Variants in GALR1 observed in about 807,000 individuals in gnomAD.
GALR1 encodes the protein galanin receptor type 1.
A neutral mutation model predicts 17.9 loss-of-function variants in GALR1; 11 were observed. That is an observed-to-expected ratio of 0.62 (90% CI 0.39 to 1.02). The LOEUF (loss-of-function observed/expected upper bound fraction) is 1.02, where lower values mean the gene tolerates loss of function less well. GALR1 is among the 50% of genes least tolerant of loss of function. The pLI, the probability that GALR1 is intolerant of heterozygous loss-of-function variation, is 0.01. For synonymous variants in GALR1, 206 were observed against 205.7 expected, an observed-to-expected ratio of 1.00 and a Z score of -0.01; for missense variants, 441 against 456.9, an observed-to-expected ratio of 0.97 and a Z score of 0.32.
intron 1 of GALR1, among the ~76,000 whole-genome samples, chr18:77,252,258 C>T (rs907671668): frequency 4.6e-5 from 7 of 151,634 alleles, no homozygotes; most frequent in Admixed American, 1.3e-4. Flanking sequence ...CAGGTGATGG[C>T]GATTCACCGG....
intron 2 of GALR1, among the ~76,000 whole-genome samples, chr18:77,258,376 C>T (rs1476651026): frequency 1.3e-5 from 2 of 152,006 alleles, no homozygotes; most frequent in African/African-American, 2.4e-5. Flanking sequence ...AGCTACTGAA[C>T]AGATGTCAGA....
chr18:77,253,291 A>C (rs1362506465), intron 1 of GALR1, among the ~76,000 whole-genome samples: 1 of 152,208 alleles, frequency 6.6e-6, no homozygotes, highest in Non-Finnish European at 1.5e-5. Flanking sequence ...GGAACACCTG[A>C]CCCAGATTAT....
intron 1 of GALR1, among the ~76,000 whole-genome samples, chr18:77,252,896 TCACCACCACCACCACCACCAC>T (rs1252635221): frequency 2.6e-5 from 2 of 78,232 alleles, no homozygotes; most frequent in Non-Finnish European, 5.0e-5. Context: ...ACCACCACCA[TCACCACCACCACCACCACCAC>T]CACCATCACC....
Position 77,249,977 on chromosome 18 carries a change from G to A in GALR1, c.-572G>A, listed in dbSNP as rs1912352247. Among the ~76,000 whole-genome samples the A allele has an allele frequency of 6.6e-6, 1 of 152,224 alleles. No individual in the cohort carries two copies. Among genetic ancestry groups the A allele is most frequent in the Non-Finnish European group, 1.5e-5 (1 of 68,040 alleles). ...CTGGAAAAGCCGGGAGGGAGTCGGA[G>A]GCGCCAGCCCACTGGGGAGGTGGCG... On this transcript the variant is annotated 5_prime_UTR_variant, in exon 1 of 3. Coordinates refer to ENST00000299727, the MANE Select transcript of GALR1 (RefSeq NM_001480.4).
intron 2 of GALR1, among the ~76,000 whole-genome samples, chr18:77,262,110 G>A (rs973699079): frequency 2.0e-5 from 3 of 152,050 alleles, no homozygotes; most frequent in Non-Finnish European, 2.9e-5. Flanking sequence ...TTACAGGCAT[G>A]AGCCACTGTT....
At position 77,249,928 on chromosome 18, in the gene GALR1, C is replaced by T. The variant is rs1268365501; in HGVS notation, c.-621C>T. On this transcript the variant is annotated 5_prime_UTR_variant, in exon 1 of 3. Transcript: ENST00000299727. ...CCAGGAAGCCTCCCAAAAGAGCTCT[C>T]GCCCTGTGGACGACTCGGAATCCCT... 6.6e-6 allele frequency among the ~76,000 whole-genome samples: 1 copy of T among 152,254 alleles called. No homozygotes were observed. The highest frequency in any genetic ancestry group is 2.1e-4 in the South Asian group (1 of 4,836).
rs1324321859 is a variant in GALR1 at position 77,259,547 on chromosome 18, GTGATGGTGGTGA to G, written c.732+3335_732+3346del. On this transcript the variant is annotated intron_variant, in intron 2 of 2. Transcript: ENST00000299727. ...GGTGGTGGTGGTCATAGGGGTGGTG[GTGATGGTGGTGA>G]TGATGGTGGTCATGGCAGTGATGGT... is the stretch of plus-strand genomic sequence containing the variant. Among the ~76,000 whole-genome samples the G allele has an allele frequency of 2.7e-4, 40 of 150,636 alleles. 1 individual carries two copies. Among genetic ancestry groups the G allele is most frequent in the Admixed American group, 2.0e-4 (3 of 15,164 alleles).
At chr18:77,252,229 G>A (rs1352063166) in intron 1 of GALR1, among the ~76,000 whole-genome samples, 1 of 152,184 alleles carries the variant, frequency 6.6e-6, no homozygotes, top group Non-Finnish European at 1.5e-5. Context: ...TTGCGTAAAC[G>A]GGAGCTTATT....
chr18:77,262,969 C>T (rs1026902387), intron 2 of GALR1, among the ~76,000 whole-genome samples: 21 of 152,166 alleles, frequency 1.4e-4, no homozygotes, highest in Admixed American at 3.3e-4. Context: ...GAAAACACTC[C>T]GGCCTCAGGG....
chr18:77,252,896 T>C (rs866905623), intron 1 of GALR1, among the ~76,000 whole-genome samples: 3,970 of 77,128 alleles, frequency 0.051, 96 homozygotes, highest in African/African-American at 0.082. Flanking sequence ...ACCACCACCA[T>C]CACCACCACC....
In GALR1 at chr18:77,270,333, G is replaced by A. The variant is rs1039223943; in HGVS notation, c.*1431G>A. ...AGTTTGAGACCAGTGTGGGCAACAT[G>A]GCAAAACTCGGTCTCTACTAAAAAT... On this transcript the variant is annotated 3_prime_UTR_variant, in exon 3 of 3. Coordinates refer to ENST00000299727, the MANE Select transcript of GALR1 (RefSeq NM_001480.4). 1 of 152,172 alleles carries A rather than the reference G, an allele frequency of 6.6e-6. No homozygotes were observed. The highest frequency in any genetic ancestry group is 1.5e-5 in the Non-Finnish European group (1 of 68,076). 9.4% of individuals were successfully genotyped at this position (152,172 alleles called of 1,614,324 possible).
chr18:77,276,355 A>G lies in GALR1; in HGVS notation c.*7453A>G, dbSNP rs1412110775. On this transcript the variant is annotated 3_prime_UTR_variant, in exon 3 of 3. Transcript: ENST00000299727. ...TGCTGTCTTTGGTATCCTCATGCAT[A>G]CAAGAAGGATTTGGAAAATGTCAGT... The G allele has an allele frequency of 1.3e-5, 2 of 152,232 alleles. No homozygotes were observed. The highest frequency in any genetic ancestry group is 4.8e-5 in the African/African-American group (2 of 41,464). 9.4% of individuals were successfully genotyped at this position (152,232 alleles called of 1,614,324 possible). A position where few individuals can be genotyped will look rare whatever the true frequency, so the allele number is the denominator to read the frequency against.
At chr18:77,252,974 C>T (rs988686051) in intron 1 of GALR1, among the ~76,000 whole-genome samples, 45 of 57,174 alleles carry the variant, frequency 7.9e-4, no homozygotes, top group African/African-American at 2.3e-3. Flanking sequence ...ACCACCATCA[C>T]CACCATCACC....
At chr18:77,254,311 C>A (rs1401174103) in intron 1 of GALR1, among the ~76,000 whole-genome samples, 1 of 152,162 alleles carries the variant, frequency 6.6e-6, no homozygotes, top group Non-Finnish European at 1.5e-5. Flanking sequence ...ATTCTGTGCT[C>A]ATAGTAGGAG....
chr18:77,253,454 A>C (rs1197079204), intron 1 of GALR1, among the ~76,000 whole-genome samples: 1 of 152,222 alleles, frequency 6.6e-6, no homozygotes, highest in African/African-American at 2.4e-5. Flanking sequence ...TGGAGAACTG[A>C]AGCACACGCT....
At chr18:77,255,456 G>A (rs12458985) in intron 1 of GALR1, among the ~76,000 whole-genome samples, 2,663 of 152,288 alleles carry the variant, frequency 0.017, 155 homozygotes, top group Admixed American at 0.11. Context: ...AATCATCAGT[G>A]ACGCTGAATC....
chr18:77,258,636 ATGGTGG>A (rs747491216), intron 2 of GALR1, among the ~76,000 whole-genome samples: 4 of 85,020 alleles, frequency 4.7e-5, no homozygotes, highest in African/African-American at 1.7e-4. Flanking sequence ...GATGGTGGTG[ATGGTGG>A]TGGTGGTCAT....
intron 1 of GALR1, among the ~76,000 whole-genome samples, chr18:77,252,923 T>TCACCACCATCACCAC (rs1912475536): frequency 1.5e-4 from 13 of 84,692 alleles, no homozygotes; most frequent in Non-Finnish European, 2.5e-4. Flanking sequence ...ACCACCACCA[T>TCACCACCATCACCAC]CACCACCACC....
At position 77,250,073 on chromosome 18, in the gene GALR1, T is replaced by G. The variant is rs925181595; in HGVS notation, c.-476T>G. Among the ~76,000 whole-genome samples the G allele has an allele frequency of 2.0e-5, 3 of 152,142 alleles. No individual in the cohort carries two copies. In the South Asian group the frequency reaches 6.2e-4, roughly 32 times the overall value. On this transcript the variant is annotated 5_prime_UTR_variant, in exon 1 of 3. Transcript: ENST00000299727. ...CAGTGCACTGCTGCGCGCTGGGCAG[T>G]GCGGGGAAGCGCCGCGGGAAGGAGC...
Sources: gnomAD v4.1 joint callset for allele counts (sites outside exome capture counted in the v4.1 genomes callset) on GRCh38, gnomAD v4.1.1 for gene constraint, MANE v1.5 for transcripts, NCBI Gene and HGNC (gene_info 2026-07-23, HGNC 2026-07-21) for gene names.